The following ACSL4 variants were observed in gnomAD, a reference collection of about 807,000 sequenced individuals.
The protein encoded by ACSL4 is acyl-CoA synthetase long chain family member 4.
Under a neutral mutation model 49.1 loss-of-function variants are expected in ACSL4, and 9 were observed. That is an observed-to-expected ratio of 0.18 (90% CI 0.11 to 0.32). The LOEUF is 0.32. ACSL4 is among the 10% of genes least tolerant of loss of function. The pLI, the probability that ACSL4 is intolerant of heterozygous loss-of-function variation, is 1.00. For synonymous variants in ACSL4, 191 were observed against 170.3 expected, an observed-to-expected ratio of 1.12 and a Z score of -0.95; for missense variants, 333 against 493.7, an observed-to-expected ratio of 0.67 and a Z score of 3.08.
At chrX:109,664,737 T>C (rs1158640274) in intron 12 of ACSL4, among the ~76,000 whole-genome samples, 2 of 111,994 alleles carry the variant, frequency 1.8e-5, no homozygotes, top group African/African-American at 6.5e-5. Context: ...CTAAGGTAAA[T>C]ATTCTCTTTT....
chrX:109,646,929 C>T (rs1238498452), intron 15 of ACSL4, among the ~76,000 whole-genome samples: 1 of 111,553 alleles, frequency 9.0e-6, no homozygotes, highest in African/African-American at 3.3e-5. Flanking sequence ...ACAAAGAAGG[C>T]CATCACATAA....
intron 15 of ACSL4, among the ~76,000 whole-genome samples, chrX:109,649,669 G>C (rs1311071166): frequency 9.0e-6 from 1 of 111,239 alleles, no homozygotes; most frequent in Non-Finnish European, 1.9e-5. Flanking sequence ...AGCCAAAATT[G>C]ACAAATGGGA....
chrX:109,647,220 A>C (rs1229522203), intron 15 of ACSL4, among the ~76,000 whole-genome samples: 1 of 111,363 alleles, frequency 9.0e-6, no homozygotes, highest in Non-Finnish European at 1.9e-5. Flanking sequence ...CAGAATATAC[A>C]TTTTTTTCAG....
intron 2 of ACSL4, among the ~76,000 whole-genome samples, chrX:109,687,131 G>C (rs867185864): frequency 8.9e-6 from 1 of 111,752 alleles, no homozygotes; most frequent in Non-Finnish European, 1.9e-5. Context: ...GCTCTTTCAA[G>C]TACACTAGCC....
rs182937199 is a variant in ACSL4, at chrX:109,674,382, T to C, written c.1002+20A>G. The C allele has an allele frequency of 1.9e-4, 225 of 1,154,782 alleles. 1 individual carries two copies. In the African/African-American group the frequency reaches 3.7e-3, roughly 19 times the overall value. The stretch of plus-strand genomic sequence containing the variant: ...TATATAAACAATCCTCTTATGTTCA[T>C]ATTCATATTCTGTACTCACCGGAAC... On this transcript the variant is annotated intron_variant, in intron 9 of 15. Transcript: ENST00000672401.
At position 109,681,151 on chromosome X, in the gene ACSL4, G is replaced by GAA. The variant is rs201395146; in HGVS notation, c.517-17_517-16dup. ...AACAATGCAGTCTGTTGAGCAGAAA[G>GAA]AAAAAAAAACAGCTATTAAACTTAA... is the stretch of plus-strand genomic sequence containing the variant. On this transcript the variant is annotated splice_polypyrimidine_tract_variant and intron_variant, in intron 5 of 15. Coordinates refer to ENST00000672401, the MANE Select transcript of ACSL4 (RefSeq NM_001318510.2). 1.7e-6 allele frequency: 2 copies of GAA among 1,178,468 alleles called. No individual in the cohort carries two copies. The highest frequency in any genetic ancestry group is 3.6e-5 in the African/African-American group (2 of 55,171).
Position 109,674,435 on chromosome X carries a change from A to C in ACSL4, c.969T>G (p.Thr323=). The change falls in exon 9 of 16, where the codon ACT becomes ACG. Residue 323 remains threonine (T), a synonymous_variant. Transcript: ENST00000672401. ...KIKKGSKGDC[T]VLKPTLMAAV... The stretch of plus-strand genomic sequence containing the variant: ...CAGCCATAAGTGTGGGCTTCAGTAC[A>C]GTACAGTCTCCTTTGCTTCCTTTTT... 1 of 1,209,019 alleles carries C rather than the reference A, an allele frequency of 8.3e-7. No homozygotes were observed. Among genetic ancestry groups the C allele is most frequent in the Admixed American group, 2.2e-5 (1 of 46,068 alleles).
At position 109,671,885 on chromosome X, in the gene ACSL4, G is replaced by A. The variant is rs772747026; in HGVS notation, c.1002+2517C>T. ...ACAGATGCTTGAAGGCAGCATGCTCGTTAACAGTCATCACCACTCCCTAAT... is the reference window on the plus strand; with the variant it reads ...ACAGATGCTTGAAGGCAGCATGCTCATTAACAGTCATCACCACTCCCTAAT... On this transcript the variant is annotated intron_variant, in intron 9 of 15. Coordinates refer to ENST00000672401, the MANE Select transcript of ACSL4 (RefSeq NM_001318510.2). 9.1e-5 allele frequency among the ~76,000 whole-genome samples: 10 copies of A among 109,847 alleles called. No homozygotes were observed. In the South Asian group the frequency reaches 3.1e-3, roughly 34 times the overall value.
intron 15 of ACSL4, among the ~76,000 whole-genome samples, chrX:109,652,455 TC>T (rs1386377888): frequency 9.0e-6 from 1 of 111,059 alleles, no homozygotes; most frequent in Non-Finnish European, 1.9e-5. Context: ...CAGTTTGACT[TC>T]CCCCATTGTT....
chrX:109,650,585 A>G (rs886964812), intron 15 of ACSL4, among the ~76,000 whole-genome samples: 9 of 109,012 alleles, frequency 8.3e-5, no homozygotes, highest in South Asian at 8.2e-4. Context: ...GCTAGATGAC[A>G]AGTTAGTGGG....
At chrX:109,696,238 A>G (rs956649948) in intron 1 of ACSL4, 42 bp from the exon 2 acceptor site, 1 of 112,426 alleles carries the variant, frequency 8.9e-6, no homozygotes, top group Non-Finnish European at 1.9e-5. Context: ...TGACATAAGA[A>G]AAGTGCCCCT....
intron 1 of ACSL4, among the ~76,000 whole-genome samples, chrX:109,725,858 T>C (rs1305729504): frequency 5.4e-5 from 6 of 111,931 alleles, no homozygotes. Context: ...TTGCAACTTG[T>C]TTTCATTAAC....
Position 109,722,320 on chromosome X carries a change from A to C in ACSL4, c.-66+10819T>G, listed in dbSNP as rs140287559. On this transcript the variant is annotated intron_variant, in intron 1 of 15. Transcript: ENST00000672401. ...AATTCTCTGACACAGTTCTCCTAAT[A>C]ATCAATTTGATAAACTACAAACTGA... Among the ~76,000 whole-genome samples, 10 of 112,015 alleles carry C rather than the reference A, an allele frequency of 8.9e-5. No homozygotes were observed. In the East Asian group the frequency reaches 2.8e-3, roughly 31 times the overall value.
intron 1 of ACSL4, among the ~76,000 whole-genome samples, chrX:109,706,224 C>T (rs1326421008): frequency 8.9e-6 from 1 of 112,051 alleles, no homozygotes; most frequent in Non-Finnish European, 1.9e-5. Context: ...CAGTTCCCCC[C>T]ACTCCATGAC....
At chrX:109,661,020 T>C (rs1390336171) in intron 14 of ACSL4, among the ~76,000 whole-genome samples, 1 of 111,497 alleles carries the variant, frequency 9.0e-6, no homozygotes, top group Admixed American at 9.5e-5. Flanking sequence ...CCAATGTAAA[T>C]ATACACAACA....
intron 1 of ACSL4, among the ~76,000 whole-genome samples, chrX:109,724,674 A>C (rs1321738712): frequency 9.0e-6 from 1 of 110,608 alleles, no homozygotes; most frequent in African/African-American, 3.3e-5. Context: ...CACTTTGGGA[A>C]GCTGAGGCAG....
chrX:109,644,820 T>C (rs5985754), intron 15 of ACSL4, among the ~76,000 whole-genome samples: 4,115 of 112,399 alleles, frequency 0.037, 133 homozygotes, highest in East Asian at 0.13. Context: ...TCAGTGGGTG[T>C]GCGCACCATG....
chrX:109,708,041 C>T (rs913525069), intron 1 of ACSL4, among the ~76,000 whole-genome samples: 2 of 111,547 alleles, frequency 1.8e-5, no homozygotes, highest in Admixed American at 9.5e-5. Context: ...ACCTCTTGGG[C>T]TCAAGCCATC....
chrX:109,664,358 C>T (rs1479531440), intron 12 of ACSL4, among the ~76,000 whole-genome samples: 1 of 111,068 alleles, frequency 9.0e-6, no homozygotes, highest in Non-Finnish European at 1.9e-5. Flanking sequence ...TCTCTGATTC[C>T]ACTGCCTAAC....
Sources: allele counts gnomAD v4.1 joint callset (sites outside exome capture counted in the v4.1 genomes callset), GRCh38; gene constraint gnomAD v4.1.1; transcripts MANE v1.5; gene names NCBI Gene and HGNC (gene_info 2026-07-23, HGNC 2026-07-21).